Variants in DCAKD observed in about 807,000 individuals in gnomAD.
The protein encoded by DCAKD is dephospho-CoA kinase domain-containing protein.
Under a neutral mutation model 18.7 loss-of-function variants are expected in DCAKD, and 15 were observed. The ratio of observed to expected loss-of-function variants is 0.80; its 90% CI spans 0.54 to 1.24. The LOEUF (loss-of-function observed/expected upper bound fraction) is 1.24. DCAKD is among the 50% of genes most tolerant of loss of function. The probability of loss-of-function intolerance (pLI) is 0.00; values close to 1 mark genes in which losing one functional copy is unlikely to be tolerated. For missense variants in DCAKD, 301 were observed against 322.0 expected (o/e 0.93, Z 0.50); for synonymous variants, 130 against 133.0 (o/e 0.98, Z 0.16).
upstream of DCAKD, chr17:45,051,642 G>A (rs2143392808): frequency 6.7e-6 from 1 of 149,916 alleles, no homozygotes; most frequent in South Asian, 2.1e-4. Flanking sequence ...CGGGACCTCG[G>A]GAGCGCGCGC....
At chr17:45,031,939 A>G (rs2053178283) in intron 3 of DCAKD, 1 of 985,138 alleles carries the variant, frequency 1.0e-6, no homozygotes, top group Non-Finnish European at 1.2e-6. Context: ...TGTCGTCCTC[A>G]TTTTTCACCT....
At position 45,024,551 on chromosome 17, in the gene DCAKD, T is replaced by C; in HGVS notation, c.578A>G (p.His193Arg). 6.2e-7 allele frequency: 1 copy of C among 1,614,126 alleles called. No individual in the cohort carries two copies. Residue 193 changes from histidine to arginine, a missense_variant, in exon 5 of 5, where the codon CAC becomes CGC. Transcript: ENST00000651974. ...CTCCAGGGAGCGCTCCAGCTCAGTGTGCAAGAGGATGACCTGGCGTTTGGT... is the reference window on the plus strand; with the variant it reads ...CTCCAGGGAGCGCTCCAGCTCAGTGCGCAAGAGGATGACCTGGCGTTTGGT... ...SVTKRQVILL[H>R]TELERSLEYL...
intron 3 of DCAKD, among the ~76,000 whole-genome samples, chr17:45,032,430 G>A (rs910943164): frequency 2.0e-5 from 3 of 151,840 alleles, no homozygotes; most frequent in East Asian, 1.9e-4. Flanking sequence ...GGATGAGGGT[G>A]GGGGGAGGTT....
chr17:45,025,497 G>T (rs1453773418), intron 4 of DCAKD, among the ~76,000 whole-genome samples: 1 of 152,082 alleles, frequency 6.6e-6, no homozygotes, highest in African/African-American at 2.4e-5. Context: ...CCCACCCTGA[G>T]GTCACCATCT....
intron 1 of DCAKD, among the ~76,000 whole-genome samples, chr17:45,043,967 C>T (rs1482177593): frequency 1.3e-5 from 2 of 152,108 alleles, no homozygotes; most frequent in African/African-American, 2.4e-5. Context: ...CATGTCGCTG[C>T]GGAAGCCCTG....
At chr17:45,029,557 G>A (rs550935419) in intron 4 of DCAKD, among the ~76,000 whole-genome samples, 7 of 152,306 alleles carry the variant, frequency 4.6e-5, no homozygotes, top group Admixed American at 6.5e-5. Flanking sequence ...GGTTGGCTCC[G>A]TGTCCTGGGG....
At chr17:45,029,310 G>C (rs2053124988) in intron 4 of DCAKD, among the ~76,000 whole-genome samples, 1 of 152,234 alleles carries the variant, frequency 6.6e-6, no homozygotes, top group South Asian at 2.1e-4. Context: ...AGCACCACAG[G>C]CTCCGCCTCC....
At chr17:45,052,858 G>T (rs1343237999), upstream of DCAKD, among the ~76,000 whole-genome samples, 1 of 148,226 alleles carries the variant, frequency 6.7e-6, no homozygotes, top group African/African-American at 2.5e-5. Context: ...ACGAGACCTT[G>T]CCTCAAAAAA....
At chr17:45,027,173 T>C (rs2053073177) in intron 4 of DCAKD, among the ~76,000 whole-genome samples, 1 of 151,956 alleles carries the variant, frequency 6.6e-6, no homozygotes. Context: ...AGACCCAATC[T>C]CTACAAAAAA....
chr17:45,049,521 A>G (rs2053642986), intron 1 of DCAKD, among the ~76,000 whole-genome samples: 1 of 151,844 alleles, frequency 6.6e-6, no homozygotes, highest in South Asian at 2.1e-4. Flanking sequence ...GAGGGAAATC[A>G]AATCAAATGG....
chr17:45,028,606 C>T lies in DCAKD; in HGVS notation c.404+1486G>A, dbSNP rs1403461181. On this transcript the variant is annotated intron_variant, in intron 4 of 4. Coordinates refer to ENST00000651974, the MANE Select transcript of DCAKD (RefSeq NM_001288655.2). The stretch of plus-strand genomic sequence containing the variant: ...TGTATTTTTAGTAGAGATGGGGTTT[C>T]TCCATGTTGGTCATGCCGCTCTCGA... 2.0e-5 allele frequency among the ~76,000 whole-genome samples: 3 copies of T among 151,668 alleles called. No individual in the cohort carries two copies. The East Asian group carries it at 5.8e-4, about 29-fold the overall frequency.
chr17:45,039,208 C>T (rs189347468), intron 1 of DCAKD, among the ~76,000 whole-genome samples: 36 of 152,246 alleles, frequency 2.4e-4, no homozygotes, highest in Non-Finnish European at 4.3e-4. Context: ...AGGTACCCAG[C>T]GGCCTCCAAG....
intron 1 of DCAKD, among the ~76,000 whole-genome samples, chr17:45,042,859 C>G (rs1681089961): frequency 6.6e-6 from 1 of 152,210 alleles, no homozygotes; most frequent in Non-Finnish European, 1.5e-5. Context: ...CTGCCTCCCT[C>G]TGTGTCCTCC....
chr17:45,054,091 C>G (rs755328569), upstream of DCAKD: 84 of 518,880 alleles, frequency 1.6e-4, no homozygotes, highest in Non-Finnish European at 7.7e-6. Context: ...TCAAGGAGAC[C>G]TACTGCCATC....
At chr17:45,060,036 G>A (rs1022158511) in intron 1 of DCAKD, among the ~76,000 whole-genome samples, 7 of 152,234 alleles carry the variant, frequency 4.6e-5, no homozygotes, top group Non-Finnish European at 1.0e-4. Context: ...CCCAGGAGGC[G>A]AAGGTTGCAG....
At chr17:45,039,825 C>T (rs1320516476) in intron 1 of DCAKD, among the ~76,000 whole-genome samples, 2 of 152,228 alleles carry the variant, frequency 1.3e-5, no homozygotes, top group Non-Finnish European at 2.9e-5. Flanking sequence ...TGAATAAATG[C>T]TCCCCTGGGG....
intron 1 of DCAKD, among the ~76,000 whole-genome samples, chr17:45,039,496 G>A (rs2053379309): frequency 6.6e-6 from 1 of 152,206 alleles, no homozygotes; most frequent in Non-Finnish European, 1.5e-5. Context: ...AATCAGCTAG[G>A]CCCAGAACCA....
chr17:45,039,037 G>A (rs1016798791), intron 1 of DCAKD, among the ~76,000 whole-genome samples: 3 of 152,222 alleles, frequency 2.0e-5, no homozygotes, highest in Non-Finnish European at 2.9e-5. Context: ...AGAACAGAGC[G>A]CTGACAGGTA....
At chr17:45,050,013 G>A (rs901629228) in intron 1 of DCAKD, among the ~76,000 whole-genome samples, 4 of 146,928 alleles carry the variant, frequency 2.7e-5, no homozygotes, top group Non-Finnish European at 5.9e-5. Flanking sequence ...GTGAGCCACC[G>A]CGCTCGGCCT....
Sources: allele counts gnomAD v4.1 joint callset (sites outside exome capture counted in the v4.1 genomes callset), GRCh38; gene constraint gnomAD v4.1.1; transcripts MANE v1.5; gene names NCBI Gene and HGNC (gene_info 2026-07-23, HGNC 2026-07-21).